KLF8: variants seen among roughly 807,000 people sequenced by gnomAD.
The protein encoded by KLF8 is KLF transcription factor 8, also known as Krueppel-like factor 8.
Under a neutral mutation model 18.2 loss-of-function variants are expected in KLF8, and 10 were observed. The observed-to-expected ratio is 0.55, with a 90% confidence interval of 0.34 to 0.93. The LOEUF (loss-of-function observed/expected upper bound fraction) is 0.93, where lower values mean the gene tolerates loss of function less well. Among genes scored for constraint, KLF8 ranks in the 40% least tolerant of loss-of-function variants. KLF8 has a pLI of 0.02. For missense variants in KLF8, 264 were observed against 277.9 expected (o/e 0.95, Z 0.36); for synonymous variants, 109 against 97.3 (o/e 1.12, Z -0.71).
At chrX:56,222,009 T>C in the KLF8 span, among the ~76,000 whole-genome samples, 1 of 111,362 alleles carries the variant, frequency 9.0e-6, no homozygotes, top group African/African-American at 3.3e-5. Context: ...ATCCCTGAGC[T>C]AGACACAAAA....
chrX:55,958,721 C>T, the KLF8 span, among the ~76,000 whole-genome samples: 1 of 112,281 alleles, frequency 8.9e-6, no homozygotes, highest in Non-Finnish European at 1.9e-5. Context: ...TTACTTGTTA[C>T]AAATATTATA....
chrX:55,930,490 C>T, the KLF8 span, among the ~76,000 whole-genome samples: 5 of 111,881 alleles, frequency 4.5e-5, no homozygotes, highest in South Asian at 3.7e-4. Context: ...TTTCAGCCTT[C>T]GCCCATTCAG....
At chrX:56,183,897 A>T in the KLF8 span, among the ~76,000 whole-genome samples, 1 of 111,607 alleles carries the variant, frequency 9.0e-6, no homozygotes, top group African/African-American at 3.3e-5. Flanking sequence ...GGCAGCCAAG[A>T]TGGCCGAATA....
the KLF8 span, among the ~76,000 whole-genome samples, chrX:55,965,425 A>G: frequency 8.9e-6 from 1 of 111,848 alleles, no homozygotes; most frequent in Non-Finnish European, 1.9e-5. Flanking sequence ...CACAGCCAAC[A>G]TCATACTGAA....
the KLF8 span, among the ~76,000 whole-genome samples, chrX:55,966,534 A>G: frequency 8.9e-6 from 1 of 112,351 alleles, no homozygotes; most frequent in Non-Finnish European, 1.9e-5. Flanking sequence ...TGAGTCTGCA[A>G]GAACTACTGC....
At chrX:55,998,190 G>C in the KLF8 span, among the ~76,000 whole-genome samples, 2 of 112,184 alleles carry the variant, frequency 1.8e-5, no homozygotes, top group African/African-American at 6.5e-5. Context: ...TAGATGGAAC[G>C]TACAATCGGG....
the KLF8 span, among the ~76,000 whole-genome samples, chrX:55,999,220 C>T: frequency 2.0e-5 from 2 of 98,191 alleles, no homozygotes; most frequent in Non-Finnish European, 4.0e-5. Flanking sequence ...TATTTCACTA[C>T]CATGCTTTTT....
At chrX:55,989,640 C>T in the KLF8 span, among the ~76,000 whole-genome samples, 1 of 111,341 alleles carries the variant, frequency 9.0e-6, no homozygotes, top group African/African-American at 3.3e-5. Context: ...CGATGTTCGT[C>T]GGGGATATTG....
chrX:56,022,735 T>C, the KLF8 span, among the ~76,000 whole-genome samples: 2 of 105,578 alleles, frequency 1.9e-5, no homozygotes, highest in Non-Finnish European at 3.9e-5. Context: ...CCGAAGAGGG[T>C]AGAATGAGGT....
the KLF8 span, among the ~76,000 whole-genome samples, chrX:56,008,719 C>T: frequency 8.9e-6 from 1 of 112,331 alleles, no homozygotes; most frequent in Non-Finnish European, 1.9e-5. Flanking sequence ...GCAGCACCCT[C>T]ACTGCAGCTC....
At chrX:55,925,999 G>A in the KLF8 span, among the ~76,000 whole-genome samples, 1 of 111,552 alleles carries the variant, frequency 9.0e-6, no homozygotes, top group African/African-American at 3.3e-5. Flanking sequence ...TATCCTTTGT[G>A]TTATAAACAG....
rs1404152231 is a variant in KLF8, at chrX:56,288,176, T to C, written c.*3682T>C. ...ATTGCTTGAACCTGGGAGGCGGAGG[T>C]TGCAGTGAGCTGAGATCATGCCACT... On this transcript the variant is annotated 3_prime_UTR_variant, in exon 6 of 6. Transcript: ENST00000468660. Among the ~76,000 whole-genome samples, 1 of 110,389 alleles carries C rather than the reference T, an allele frequency of 9.1e-6. No homozygotes were observed.
chrX:55,936,138 C>A, the KLF8 span, among the ~76,000 whole-genome samples: 1 of 111,916 alleles, frequency 8.9e-6, no homozygotes, highest in South Asian at 3.7e-4. Context: ...CTGAGAAATA[C>A]TAAACCTGTT....
At chrX:56,034,369 G>A in the KLF8 span, among the ~76,000 whole-genome samples, 1 of 112,029 alleles carries the variant, frequency 8.9e-6, no homozygotes, top group Non-Finnish European at 1.9e-5. Flanking sequence ...ATTTCTTTGT[G>A]TATGTGTCTA....
chrX:55,995,214 A>G, the KLF8 span, among the ~76,000 whole-genome samples: 3 of 112,155 alleles, frequency 2.7e-5, no homozygotes, highest in African/African-American at 9.7e-5. Context: ...TGAAATAAGA[A>G]TAGCAATTTC....
At chrX:56,148,733 G>A in the KLF8 span, among the ~76,000 whole-genome samples, 1 of 111,501 alleles carries the variant, frequency 9.0e-6, no homozygotes, top group Non-Finnish European at 1.9e-5. Context: ...GCATGTGCAG[G>A]GGAACGCCCC....
At chrX:56,091,389 C>T in the KLF8 span, among the ~76,000 whole-genome samples, 1 of 111,495 alleles carries the variant, frequency 9.0e-6, no homozygotes, top group Admixed American at 9.5e-5. Context: ...GAGTCAATTA[C>T]ACCTATTTCT....
chrX:55,937,056 G>A, the KLF8 span, among the ~76,000 whole-genome samples: 1 of 111,598 alleles, frequency 9.0e-6, no homozygotes, highest in African/African-American at 3.3e-5. Flanking sequence ...CTTGAGCTCA[G>A]AGAACGGGCA....
rs766842755 is a variant in KLF8 at position 56,284,348 on chromosome X, T to G, written c.934T>G (p.Ser312Ala). The part of the protein sequence containing the change: ...KPYKCTWDGC[S>A]WKFARSDELT... ...TTATAAATGCACCTGGGATGGCTGC[T>G]CCTGGAAATTTGCTCGCTCAGATGA... The change falls in exon 6 of 6, where the codon TCC becomes GCC. Residue 312 changes from serine to alanine, a missense_variant. Ser to Ala is a moderately conservative substitution (Grantham distance 99, BLOSUM62 1). Coordinates refer to ENST00000468660, the MANE Select transcript of KLF8 (RefSeq NM_007250.5). The G allele has an allele frequency of 1.7e-6, 2 of 1,178,100 alleles. No individual in the cohort carries two copies. The highest frequency in any genetic ancestry group is 2.3e-6 in the Non-Finnish European group (2 of 879,838).
Sources: gnomAD v4.1 joint callset for allele counts (sites outside exome capture counted in the v4.1 genomes callset) on GRCh38, gnomAD v4.1.1 for gene constraint, MANE v1.5 for transcripts, NCBI Gene and HGNC (gene_info 2026-07-23, HGNC 2026-07-21) for gene names.